Variants in LZIC observed in about 807,000 individuals in gnomAD.
The protein encoded by LZIC is leucine zipper and CTNNBIP1 domain containing, also known as protein LZIC.
LZIC carries 28 observed loss-of-function variants against 25.4 expected under a neutral mutation model. The observed-to-expected ratio is 1.10, with a 90% CI of 0.82 to 1.51. The LOEUF (loss-of-function observed/expected upper bound fraction) is 1.51. Ranked by LOEUF, LZIC falls within the 40% of genes most tolerant of loss-of-function variation. The probability of loss-of-function intolerance (pLI) is 0.00; values close to 1 mark genes in which losing one functional copy is unlikely to be tolerated. For missense variants in LZIC, 170 were observed against 211.1 expected (o/e 0.81, Z 1.21); for synonymous variants, 65 against 70.7 (o/e 0.92, Z 0.40).
Position 9,926,588 on chromosome 1 carries a change from G to A in LZIC, c.*3811C>T, listed in dbSNP as rs1028108287. Among the ~76,000 whole-genome samples, 12 of 152,254 alleles carry A rather than the reference G, an allele frequency of 7.9e-5. No homozygotes were observed. The highest frequency in any genetic ancestry group is 1.7e-4 in the African/African-American group (7 of 41,562). On this transcript the variant is annotated 3_prime_UTR_variant, in exon 8 of 8. Transcript: ENST00000377223. ...TGTCTTACTGCTCACAAGATCAAAA[G>A]AAAACAGAACAAAACATTGAAACAT...
chr1:9,939,564 G>C (rs1206212142), intron 2 of LZIC, among the ~76,000 whole-genome samples: 3 of 25,458 alleles, frequency 1.2e-4, no homozygotes, highest in Non-Finnish European at 3.3e-4. Context: ...TTTTTTTTTT[G>C]GTATTTTTAG....
At chr1:9,940,062 T>C (rs1570652402) in intron 2 of LZIC, among the ~76,000 whole-genome samples, 1 of 151,852 alleles carries the variant, frequency 6.6e-6, no homozygotes, top group South Asian at 2.1e-4. Context: ...GAGGTTGCAG[T>C]GAGCTGAGAT....
At chr1:9,935,132 A>T (rs2101598150) in intron 4 of LZIC, among the ~76,000 whole-genome samples, 1 of 150,068 alleles carries the variant, frequency 6.7e-6, no homozygotes, top group East Asian at 1.9e-4. Context: ...CCCATCTCTA[A>T]AAAAAAAAAA....
At chr1:9,925,101 C>A (rs1639949240), downstream of LZIC, among the ~76,000 whole-genome samples, 1 of 149,310 alleles carries the variant, frequency 6.7e-6, no homozygotes, top group South Asian at 2.1e-4. Context: ...CACCTGAGGT[C>A]GGGACTTTGA....
At chr1:9,924,490 G>A (rs570397424), downstream of LZIC, among the ~76,000 whole-genome samples, 2 of 152,162 alleles carry the variant, frequency 1.3e-5, no homozygotes, top group East Asian at 3.9e-4. Flanking sequence ...AAATAGCTGG[G>A]ACTACAGGCG....
Position 9,930,068 on chromosome 1 carries a change from T to G in LZIC, c.*331A>C, listed in dbSNP as rs536279723. ...AGAAAAATATCATTACTTCACATCT[T>G]TTCGTTCACTATCAACACTTAAAAA... On this transcript the variant is annotated 3_prime_UTR_variant, in exon 8 of 8. Transcript: ENST00000377223. 7.6e-6 allele frequency: 8 copies of G among 1,056,448 alleles called. No homozygotes were observed. The highest frequency in any genetic ancestry group is 1.4e-4 in the East Asian group (2 of 14,766). The allele number at this position is 1,056,448 out of a possible 1,614,324, so 65.4% of individuals were successfully genotyped here. A position where few individuals can be genotyped will look rare whatever the true frequency, so the allele number is the denominator to read the frequency against.
intron 7 of LZIC, 113 bp from the exon 8 acceptor site, chr1:9,930,570 C>A: frequency 1.4e-6 from 2 of 1,454,964 alleles, no homozygotes; most frequent in Non-Finnish European, 1.9e-6. Flanking sequence ...ATATAATTAG[C>A]CTCCATTATC....
rs60229254 is a variant in LZIC at position 9,926,847 on chromosome 1, AAC to A, written c.*3550_*3551del. Among the ~76,000 whole-genome samples, 1,249 of 152,356 alleles carry A rather than the reference AAC, an allele frequency of 8.2e-3. 20 individuals carry two copies. Among genetic ancestry groups the A allele is most frequent in the African/African-American group, 0.029 (1,195 of 41,582 alleles). ...TAAATGTAGCAAGAAGTGGAAGAGA[AAC>A]ACAGTTTATAAGTCATTTAATAACT... On this transcript the variant is annotated 3_prime_UTR_variant, in exon 8 of 8. Transcript: ENST00000377223.
At chr1:9,937,847 C>CAAAAAAA (rs34452687) in intron 2 of LZIC, among the ~76,000 whole-genome samples, 23 of 52,722 alleles carry the variant, frequency 4.4e-4, no homozygotes, top group African/African-American at 6.3e-4. Context: ...GACCCTGACT[C>CAAAAAAA]AAAAAAAAAA....
At chr1:9,932,701 A>AG in intron 6 of LZIC, 102 bp downstream of exon 6, 1 of 609,518 alleles carries the variant, frequency 1.6e-6, no homozygotes, top group East Asian at 3.3e-5. Context: ...AAAAAAAAAA[A>AG]AAAAGAATGT....
chr1:9,932,383 C>T (rs560550642), intron 6 of LZIC, among the ~76,000 whole-genome samples: 61 of 147,514 alleles, frequency 4.1e-4, no homozygotes, highest in Non-Finnish European at 6.7e-4. Context: ...GGGCCGGGTG[C>T]GGTGGCTCAC....
chr1:9,939,360 C>CT (rs71583828), intron 2 of LZIC, among the ~76,000 whole-genome samples: 1,674 of 80,348 alleles, frequency 0.021, 42 homozygotes, highest in African/African-American at 0.06. Flanking sequence ...CCCCACTTGG[C>CT]TTTTTTTTTT....
rs748518908 is a variant in LZIC at position 9,930,360 on chromosome 1, A to G, written c.*39T>C. 5 of 1,604,364 alleles carry G rather than the reference A, an allele frequency of 3.1e-6. No individual in the cohort carries two copies. Among genetic ancestry groups the G allele is most frequent in the East Asian group, 2.2e-5 (1 of 44,826 alleles). Reference sequence around the variant, plus strand: ...ACCCCAGAAGAAAGACACCATTTACATTAAGAATGTGATCAATGTTACAAG... The same window carrying G: ...ACCCCAGAAGAAAGACACCATTTACGTTAAGAATGTGATCAATGTTACAAG... On this transcript the variant is annotated 3_prime_UTR_variant, in exon 8 of 8. Coordinates refer to ENST00000377223, the MANE Select transcript of LZIC (RefSeq NM_032368.5).
At chr1:9,922,449 A>G (rs976706645), downstream of LZIC, 4 of 400,506 alleles carry the variant, frequency 1.0e-5, no homozygotes, top group Non-Finnish European at 1.4e-5. Context: ...TCCTAGATTG[A>G]CTTTAATGAG....
In LZIC at chr1:9,929,182, G is replaced by A; in HGVS notation, c.*1217C>T. On this transcript the variant is annotated 3_prime_UTR_variant, in exon 8 of 8. Coordinates refer to ENST00000377223, the MANE Select transcript of LZIC (RefSeq NM_032368.5). The stretch of plus-strand genomic sequence containing the variant: ...TAAAATGGTGAATTTTATGATATAT[G>A]AATTTCACCTCTTTTAAGTTCCAAA... The A allele has an allele frequency of 2.5e-6, 1 of 401,450 alleles. No homozygotes were observed. The highest frequency in any genetic ancestry group is 1.0e-4 in the South Asian group (1 of 9,690). The allele number at this position is 401,450 out of a possible 1,614,324, so 24.9% of individuals were successfully genotyped here.
At chr1:9,941,346 C>T (rs1007254318) in intron 2 of LZIC, among the ~76,000 whole-genome samples, 1 of 150,686 alleles carries the variant, frequency 6.6e-6, no homozygotes, top group Admixed American at 6.6e-5. Flanking sequence ...AGGTGCCCGC[C>T]ACCACGCTCA....
At chr1:9,924,158 T>C (rs1639925445), downstream of LZIC, among the ~76,000 whole-genome samples, 1 of 152,188 alleles carries the variant, frequency 6.6e-6, no homozygotes, top group Admixed American at 6.5e-5. Context: ...AGTGCTGGGA[T>C]TACAGGCATG....
intron 7 of LZIC, among the ~76,000 whole-genome samples, chr1:9,930,868 G>A (rs1170244742): frequency 1.3e-5 from 2 of 151,350 alleles, no homozygotes; most frequent in African/African-American, 4.9e-5. Context: ...TTACAGGCAC[G>A]TGCCACCATG....
downstream of LZIC, among the ~76,000 whole-genome samples, chr1:9,926,016 C>G (rs983758655): frequency 6.6e-6 from 1 of 150,660 alleles, no homozygotes; most frequent in Non-Finnish European, 1.5e-5. Flanking sequence ...GCCTCAGCCT[C>G]CTGAGTAGCT....
Sources: allele counts gnomAD v4.1 joint callset (sites outside exome capture counted in the v4.1 genomes callset), GRCh38; gene constraint gnomAD v4.1.1; transcripts MANE v1.5; gene names NCBI Gene and HGNC (gene_info 2026-07-23, HGNC 2026-07-21).